CDK5RAP2: variants seen among roughly 807,000 people sequenced by gnomAD.
CDK5RAP2 encodes CDK5 regulatory subunit-associated protein 2.
In CDK5RAP2, 147 loss-of-function variants were observed where a neutral mutation model predicts 232.9. That is an observed-to-expected ratio of 0.63 (90% CI 0.55 to 0.72). CDK5RAP2 has a LOEUF of 0.72. CDK5RAP2 is among the 30% of genes least tolerant of loss of function. CDK5RAP2 has a pLI of 0.00. For synonymous variants in CDK5RAP2, 833 were observed against 833.7 expected (o/e 1.00, Z 0.01); for missense variants, 2,195 against 2,231.5 (o/e 0.98, Z 0.33).
In CDK5RAP2 at chr9:120,407,042, G is replaced by T. The variant is rs2033494443; in HGVS notation, c.4933C>A (p.Pro1645Thr). The T allele has an allele frequency of 6.2e-7, 1 of 1,614,006 alleles. No homozygotes were observed. The highest frequency in any genetic ancestry group is 8.5e-7 in the Non-Finnish European group (1 of 1,179,978). ...TTGTCAGGCTGAAGGGGCACCTCAG[G>T]GATGGACACGGCTTGGACAGCCAGA... Reference protein sequence around the residue: ...LTLAVQAVSIPEVPLQPDKHD... With the variant: ...LTLAVQAVSITEVPLQPDKHD... The change falls in exon 32 of 38, where the codon CCT becomes ACT. Residue 1645 changes from proline to threonine, a missense_variant. Transcript: ENST00000349780.
At chr9:120,508,331 G>A (rs972151605) in intron 12 of CDK5RAP2, among the ~76,000 whole-genome samples, 1 of 152,158 alleles carries the variant, frequency 6.6e-6, no homozygotes, top group African/African-American at 2.4e-5. Flanking sequence ...GATGATGTGT[G>A]GAGGTGGGTG....
At chr9:120,400,932 T>C (rs2032955250) in intron 34 of CDK5RAP2, 47 bp from the exon 35 acceptor site, 1 of 1,610,368 alleles carries the variant, frequency 6.2e-7, no homozygotes, top group African/African-American at 1.3e-5. Context: ...TGAAAAAGAT[T>C]TTAGACAAGC....
Position 120,504,447 on chromosome 9 carries a change from A to C in CDK5RAP2, c.1312-12970T>G, listed in dbSNP as rs572692668. Among the ~76,000 whole-genome samples the C allele has an allele frequency of 2.6e-4, 40 of 152,340 alleles. 1 individual carries two copies. Among genetic ancestry groups the C allele is most frequent in the African/African-American group, 8.9e-4 (37 of 41,576 alleles). On this transcript the variant is annotated intron_variant, in intron 12 of 37. Coordinates refer to ENST00000349780, the MANE Select transcript of CDK5RAP2 (RefSeq NM_018249.6). ...CCTCCCTCCTTAATTATAAAGGAAG[A>C]AGGGTAGAAGCTGCAGTACTAAGAA... is the stretch of plus-strand genomic sequence containing the variant.
chr9:120,512,189 A>G (rs943566749), intron 12 of CDK5RAP2, among the ~76,000 whole-genome samples: 3 of 152,196 alleles, frequency 2.0e-5, no homozygotes, highest in African/African-American at 7.2e-5. Flanking sequence ...TCTCTACAAA[A>G]ATTTAACAAA....
intron 12 of CDK5RAP2, among the ~76,000 whole-genome samples, chr9:120,517,482 C>T (rs10984937): frequency 6.6e-6 from 1 of 152,190 alleles, no homozygotes; most frequent in East Asian, 1.9e-4. Flanking sequence ...AGACCCAGAC[C>T]CCAATCCTAC....
intron 21 of CDK5RAP2, among the ~76,000 whole-genome samples, chr9:120,453,174 G>A (rs542875661): frequency 6.6e-6 from 1 of 152,096 alleles, no homozygotes; most frequent in Non-Finnish European, 1.5e-5. Context: ...AAGACCTCAC[G>A]TGTGTTTTTT....
At chr9:120,551,501 T>C (rs1224282896) in intron 3 of CDK5RAP2, among the ~76,000 whole-genome samples, 2 of 152,218 alleles carry the variant, frequency 1.3e-5, no homozygotes, top group Non-Finnish European at 2.9e-5. Context: ...ATTTTCCTCC[T>C]GAAATAAATC....
chr9:120,408,609 T>C (rs754299480), intron 30 of CDK5RAP2, 141 bp from the exon 31 acceptor site: 13 of 922,816 alleles, frequency 1.4e-5, no homozygotes, highest in Non-Finnish European at 1.7e-5. Context: ...AAGAATTCCA[T>C]GTGCTCTCTA....
intron 4 of CDK5RAP2, among the ~76,000 whole-genome samples, chr9:120,549,489 G>C (rs539567146): frequency 6.6e-6 from 1 of 152,284 alleles, no homozygotes; most frequent in Admixed American, 6.5e-5. Context: ...AAGTGGTATA[G>C]TACAATGAGA....
At chr9:120,498,718 A>AATATATATAT (rs145678067) in intron 12 of CDK5RAP2, among the ~76,000 whole-genome samples, 36 of 147,352 alleles carry the variant, frequency 2.4e-4, no homozygotes, top group African/African-American at 8.4e-4. Flanking sequence ...AAAGGCTTTA[A>AATATATATAT]ATATATATAT....
intron 3 of CDK5RAP2, 101 bp from the exon 4 acceptor site, chr9:120,551,003 T>C (rs888729469): frequency 9.3e-6 from 7 of 753,498 alleles, no homozygotes; most frequent in Non-Finnish European, 1.7e-5. Context: ...GCTACAAAAC[T>C]GATTCAAATG....
chr9:120,532,483 G>C (rs772790416), intron 7 of CDK5RAP2: 1 of 152,250 alleles, frequency 6.6e-6, no homozygotes, highest in Non-Finnish European at 1.5e-5. Flanking sequence ...CTGCCCAACA[G>C]TGAGTCAATC....
At position 120,526,184 on chromosome 9, in the gene CDK5RAP2, T is replaced by C. The variant is rs78298632; in HGVS notation, c.1000-1106A>G. Reference sequence around the variant, plus strand: ...ACTCACACCTATAAACAGGGAGTCCTAGATTGACCTCTTCAGGACTGAGCT... The same window carrying C: ...ACTCACACCTATAAACAGGGAGTCCCAGATTGACCTCTTCAGGACTGAGCT... On this transcript the variant is annotated intron_variant, in intron 10 of 37. Transcript: ENST00000349780. Among the ~76,000 whole-genome samples, 333 of 152,352 alleles carry C rather than the reference T, an allele frequency of 2.2e-3. 2 individuals carry two copies. Among genetic ancestry groups the C allele is most frequent in the African/African-American group, 7.4e-3 (308 of 41,578 alleles).
intron 18 of CDK5RAP2, among the ~76,000 whole-genome samples, chr9:120,462,536 AACTGTAATACACTCATG>A (rs1253756230): frequency 6.6e-6 from 1 of 152,210 alleles, no homozygotes; most frequent in Non-Finnish European, 1.5e-5. Flanking sequence ...ATGAATAAAC[AACTGTAATACACTCATG>A]CAATGGAATA....
At chr9:120,393,586 A>G (rs1357638715) in intron 36 of CDK5RAP2, among the ~76,000 whole-genome samples, 2 of 152,222 alleles carry the variant, frequency 1.3e-5, no homozygotes. Context: ...TGACACACAG[A>G]CAGCGCAGGC....
At chr9:120,416,123 A>C (rs980001632) in intron 27 of CDK5RAP2, among the ~76,000 whole-genome samples, 2 of 152,180 alleles carry the variant, frequency 1.3e-5, no homozygotes, top group Non-Finnish European at 2.9e-5. Flanking sequence ...CCCACAGACT[A>C]AGCAAACAGT....
At chr9:120,505,273 A>ATCTTTGATAT in intron 12 of CDK5RAP2, among the ~76,000 whole-genome samples, 1 of 152,210 alleles carries the variant, frequency 6.6e-6, no homozygotes, top group East Asian at 1.9e-4. Flanking sequence ...GTGATCAGTG[A>ATCTTTGATAT]TCTTTGATAT....
intron 27 of CDK5RAP2, among the ~76,000 whole-genome samples, chr9:120,418,671 C>A (rs2034382884): frequency 6.6e-6 from 1 of 152,224 alleles, no homozygotes; most frequent in Non-Finnish European, 1.5e-5. Context: ...CTCACAAAAA[C>A]TGCAAAGAGA....
At chr9:120,408,043 T>C (rs2131303287) in intron 31 of CDK5RAP2, 1 of 413,028 alleles carries the variant, frequency 2.4e-6, no homozygotes, top group Non-Finnish European at 4.6e-6. Flanking sequence ...CTGAGAGACA[T>C]GTTTTACAGA....
Sources: gnomAD v4.1 joint callset for allele counts (sites outside exome capture counted in the v4.1 genomes callset) on GRCh38, gnomAD v4.1.1 for gene constraint, MANE v1.5 for transcripts, NCBI Gene and HGNC (gene_info 2026-07-23, HGNC 2026-07-21) for gene names.